Variants in SBF2 observed in about 807,000 individuals in gnomAD.
SBF2 encodes the protein SET binding factor 2, also known as myotubularin-related protein 13.
Under a neutral mutation model 225.2 loss-of-function variants are expected in SBF2, and 112 were observed. The observed-to-expected ratio is 0.50, with a 90% confidence interval of 0.43 to 0.58. The LOEUF (loss-of-function observed/expected upper bound fraction) is 0.58. Among genes scored for constraint, SBF2 ranks in the 20% least tolerant of loss-of-function variants. The pLI, the probability that SBF2 is intolerant of heterozygous loss-of-function variation, is 0.00. For synonymous variants in SBF2, 763 were observed against 773.3 expected (o/e 0.99, Z 0.22); for missense variants, 1,996 against 2,206.2 (o/e 0.90, Z 1.91).
At chr11:10,238,613 A>G (rs942182651) in intron 1 of SBF2, among the ~76,000 whole-genome samples, 1 of 145,454 alleles carries the variant, frequency 6.9e-6, no homozygotes, top group Non-Finnish European at 1.6e-5. Context: ...AGAGAAAAAG[A>G]CAAATCCAAA....
intron 16 of SBF2, among the ~76,000 whole-genome samples, chr11:9,901,450 A>T (rs894304834): frequency 1.3e-5 from 2 of 152,120 alleles, no homozygotes; most frequent in Non-Finnish European, 2.9e-5. Flanking sequence ...GAAAAACTGA[A>T]TTCCTGGCCA....
chr11:10,052,865 A>T (rs1021009403), intron 2 of SBF2, among the ~76,000 whole-genome samples: 48 of 152,198 alleles, frequency 3.2e-4, no homozygotes, highest in African/African-American at 1.1e-3. Flanking sequence ...TCACTTCTAA[A>T]TTACCTTCAT....
At chr11:10,087,305 C>T (rs1951606764) in intron 2 of SBF2, among the ~76,000 whole-genome samples, 1 of 152,152 alleles carries the variant, frequency 6.6e-6, no homozygotes, top group Non-Finnish European at 1.5e-5. Flanking sequence ...ACAATTTAGA[C>T]TGAGCCGTTG....
intron 17 of SBF2, among the ~76,000 whole-genome samples, chr11:9,859,700 G>T (rs1217425168): frequency 1.3e-5 from 2 of 152,110 alleles, no homozygotes; most frequent in African/African-American, 4.8e-5. Flanking sequence ...TCATTTCTTA[G>T]GGACGTATAC....
At position 9,852,283 on chromosome 11, in the gene SBF2, G is replaced by A. The variant is rs115652225; in HGVS notation, c.2610+393C>T. On this transcript the variant is annotated intron_variant, in intron 21 of 39. Coordinates refer to ENST00000256190, the MANE Select transcript of SBF2 (RefSeq NM_030962.4). ...AATAGACTTTCCAGCTGTTTGGGAT[G>A]TATAGTCAGATTCAGAAACCTGGGT... 2.7e-3 allele frequency among the ~76,000 whole-genome samples: 411 copies of A among 152,070 alleles called. 1 individual carries two copies. The highest frequency in any genetic ancestry group is 9.4e-3 in the African/African-American group (389 of 41,474).
chr11:9,783,418 A>G (rs1852164654), intron 38 of SBF2, among the ~76,000 whole-genome samples: 1 of 152,246 alleles, frequency 6.6e-6, no homozygotes, highest in Non-Finnish European at 1.5e-5. Flanking sequence ...GTAACAGTTC[A>G]GGTTTTTCCT....
chr11:9,779,055 A>G lies in SBF2; in HGVS notation c.*1363T>C, dbSNP rs374781238. ...GTCCTTCATTCTTAATTATCCCCAG[A>G]TTTCTTATATATTAACACAGTTCTA... On this transcript the variant is annotated 3_prime_UTR_variant, in exon 40 of 40. Transcript: ENST00000256190. 1.3e-5 allele frequency: 2 copies of G among 152,778 alleles called. No individual in the cohort carries two copies. Among genetic ancestry groups the G allele is most frequent in the African/African-American group, 4.8e-5 (2 of 41,592 alleles). 9.5% of individuals were successfully genotyped at this position (152,778 alleles called of 1,614,324 possible). A position where few individuals can be genotyped will look rare whatever the true frequency, so the allele number is the denominator to read the frequency against.
At chr11:9,821,809 T>C (rs1335575936) in intron 28 of SBF2, among the ~76,000 whole-genome samples, 1 of 152,244 alleles carries the variant, frequency 6.6e-6, no homozygotes, top group Non-Finnish European at 1.5e-5. Flanking sequence ...TGTGCCTTAG[T>C]ACTACCTGAA....
chr11:10,059,307 A>G (rs906642789), intron 2 of SBF2, among the ~76,000 whole-genome samples: 4 of 152,180 alleles, frequency 2.6e-5, no homozygotes, highest in Admixed American at 6.5e-5. Context: ...GGCTCAAAAT[A>G]AAAGCATAGA....
intron 1 of SBF2, among the ~76,000 whole-genome samples, chr11:10,232,632 T>TG (rs1958906426): frequency 6.6e-6 from 1 of 151,366 alleles, no homozygotes; most frequent in African/African-American, 2.4e-5. Flanking sequence ...GGTGAGATCA[T>TG]AGCTCACTGC....
chr11:9,878,275 T>C (rs577313679), intron 17 of SBF2, among the ~76,000 whole-genome samples: 1 of 152,358 alleles, frequency 6.6e-6, no homozygotes, highest in East Asian at 1.9e-4. Flanking sequence ...TTAAGTTCTT[T>C]GTGGATTCTG....
intron 2 of SBF2, among the ~76,000 whole-genome samples, chr11:10,076,564 G>A (rs890509530): frequency 2.0e-5 from 3 of 152,182 alleles, no homozygotes; most frequent in African/African-American, 4.8e-5. Context: ...CTCAGGGAGG[G>A]AGCTTTGAGA....
intron 1 of SBF2, among the ~76,000 whole-genome samples, chr11:10,245,672 A>G (rs1275414532): frequency 6.6e-6 from 1 of 152,208 alleles, no homozygotes; most frequent in Admixed American, 6.5e-5. Flanking sequence ...TGAAATCAAG[A>G]TATCAAAAAG....
intron 2 of SBF2, among the ~76,000 whole-genome samples, chr11:10,165,593 T>C (rs1239565359): frequency 6.6e-6 from 1 of 152,198 alleles, no homozygotes; most frequent in Non-Finnish European, 1.5e-5. Flanking sequence ...TAGTACACTG[T>C]AGCATTGTAC....
In SBF2 at chr11:9,780,933, G is replaced by A. The variant is rs114041421; in HGVS notation, c.5452-417C>T. ...TTGGCCTTCGTGTCCCCTTTCTTTA[G>A]TTGGAGCCATATTGGAAGCCCACTG... On this transcript the variant is annotated intron_variant, in intron 39 of 39. Transcript: ENST00000256190. 449 of 302,036 alleles carry A rather than the reference G, an allele frequency of 1.5e-3. 3 individuals are homozygous for A. The highest frequency in any genetic ancestry group is 9.1e-3 in the African/African-American group (422 of 46,206). 18.7% of individuals were successfully genotyped at this position (302,036 alleles called of 1,614,324 possible).
At chr11:9,839,845 C>T (rs747694714) in intron 25 of SBF2, 149 bp from the exon 26 acceptor site, 6 of 928,166 alleles carry the variant, frequency 6.5e-6, no homozygotes, top group Non-Finnish European at 8.8e-6. Flanking sequence ...GCAATTGAGG[C>T]CTTCAGGGTA....
chr11:9,782,851 C>T lies in SBF2; in HGVS notation c.5320-1213G>A, dbSNP rs968192049. Among the ~76,000 whole-genome samples, 3 of 130,178 alleles carry T rather than the reference C, an allele frequency of 2.3e-5. No homozygotes were observed. In the Admixed American group the frequency reaches 2.6e-4, roughly 11 times the overall value. The allele number at this position is 130,178 out of a possible 152,430, so 85.4% of individuals were successfully genotyped here. ...CACCACTGCACTCCAGCCTGGGTGACAAAGCGAGACTCTGTCTCAAAAGAA... is the reference window on the plus strand; with the variant it reads ...CACCACTGCACTCCAGCCTGGGTGATAAAGCGAGACTCTGTCTCAAAAGAA... On this transcript the variant is annotated intron_variant, in intron 38 of 39. Coordinates refer to ENST00000256190, the MANE Select transcript of SBF2 (RefSeq NM_030962.4).
intron 16 of SBF2, among the ~76,000 whole-genome samples, chr11:9,906,464 G>A (rs1862126247): frequency 6.6e-6 from 1 of 152,130 alleles, no homozygotes; most frequent in Non-Finnish European, 1.5e-5. Context: ...TTAGACTAGT[G>A]GGCACTATTT....
chr11:10,202,339 C>T (rs1957595366), intron 1 of SBF2, among the ~76,000 whole-genome samples: 1 of 152,180 alleles, frequency 6.6e-6, no homozygotes, highest in African/African-American at 2.4e-5. Context: ...ACAGCAGCAG[C>T]CTCATCATCT....
Sources: gnomAD v4.1 joint callset for allele counts (sites outside exome capture counted in the v4.1 genomes callset) on GRCh38, gnomAD v4.1.1 for gene constraint, MANE v1.5 for transcripts, NCBI Gene and HGNC (gene_info 2026-07-23, HGNC 2026-07-21) for gene names.